The following CDH13 variants were observed in gnomAD, a reference collection of about 807,000 sequenced individuals.
The protein encoded by CDH13 is cadherin 13.
Under a neutral mutation model 63.8 loss-of-function variants are expected in CDH13, and 24 were observed. That is an observed-to-expected ratio of 0.38 (90% confidence interval 0.27 to 0.53). The LOEUF (loss-of-function observed/expected upper bound fraction) is 0.53, where lower values mean the gene tolerates loss of function less well. CDH13 is among the 20% of genes least tolerant of loss of function. CDH13 has a pLI of 0.85. For missense variants in CDH13, 1,049 were observed against 903.1 expected, an observed-to-expected ratio of 1.16 and a Z score of -2.07; for synonymous variants, 503 against 355.3, an observed-to-expected ratio of 1.42 and a Z score of -4.67.
At chr16:83,372,526 G>T (rs1555537290) in intron 6 of CDH13, among the ~76,000 whole-genome samples, 1 of 151,998 alleles carries the variant, frequency 6.6e-6, no homozygotes, top group Non-Finnish European at 1.5e-5. Context: ...AGCTGAGGCA[G>T]GTGGACCACG....
In CDH13 at chr16:83,303,749, T is replaced by A. The variant is rs2089806259; in HGVS notation, c.637-41113T>A. Among the ~76,000 whole-genome samples, 2 of 152,224 alleles carry A rather than the reference T, an allele frequency of 1.3e-5. 1 individual carries two copies. The highest frequency in any genetic ancestry group is 4.2e-4 in the South Asian group (2 of 4,816). ...AGAAACCTTGAGGCTACTGCTTCAG[T>A]TTAGCATATCTCAAAGAGCCATATT... On this transcript the variant is annotated intron_variant, in intron 5 of 13. Coordinates refer to ENST00000567109, the MANE Select transcript of CDH13 (RefSeq NM_001257.5).
intron 8 of CDH13, among the ~76,000 whole-genome samples, chr16:83,608,741 C>A (rs139246037): frequency 1.3e-5 from 2 of 151,390 alleles, no homozygotes; most frequent in African/African-American, 2.4e-5. Flanking sequence ...CTATTGGGCC[C>A]AAGCAATCCA....
intron 4 of CDH13, among the ~76,000 whole-genome samples, chr16:83,143,452 T>A (rs184871513): frequency 4.4e-4 from 67 of 152,312 alleles, no homozygotes; most frequent in African/African-American, 1.6e-3. Context: ...GTTCCCTGTA[T>A]TTAGCTTCAT....
At chr16:83,429,338 G>A (rs1015656227) in intron 6 of CDH13, among the ~76,000 whole-genome samples, 1 of 152,122 alleles carries the variant, frequency 6.6e-6, no homozygotes, top group African/African-American at 2.4e-5. Flanking sequence ...GGGGACTTAT[G>A]CAAACCTCTC....
intron 2 of CDH13, among the ~76,000 whole-genome samples, chr16:83,015,189 A>G (rs1914635158): frequency 6.6e-6 from 1 of 151,980 alleles, no homozygotes; most frequent in Non-Finnish European, 1.5e-5. Flanking sequence ...AGATAGTAAC[A>G]GGCTGCATCT....
At chr16:83,294,833 C>T (rs968527618) in intron 5 of CDH13, among the ~76,000 whole-genome samples, 1 of 152,018 alleles carries the variant, frequency 6.6e-6, no homozygotes, top group Non-Finnish European at 1.5e-5. Context: ...TCAACATAAT[C>T]TATATTAAAA....
At chr16:82,878,678 G>A (rs965790239) in intron 2 of CDH13, among the ~76,000 whole-genome samples, 2 of 151,078 alleles carry the variant, frequency 1.3e-5, no homozygotes, top group African/African-American at 4.9e-5. Context: ...TTGGTCCAAT[G>A]GCGGGGGTTG....
chr16:82,664,484 G>C (rs1912353826), intron 1 of CDH13, among the ~76,000 whole-genome samples: 1 of 152,244 alleles, frequency 6.6e-6, no homozygotes, highest in African/African-American at 2.4e-5. Context: ...GCCCAGCACA[G>C]TCAGAGTCCT....
At chr16:82,672,054 C>G (rs983654051) in intron 1 of CDH13, among the ~76,000 whole-genome samples, 18 of 152,180 alleles carry the variant, frequency 1.2e-4, no homozygotes, top group African/African-American at 4.1e-4. Flanking sequence ...CTTCTACACT[C>G]TCTCTCTTGC....
intron 11 of CDH13, among the ~76,000 whole-genome samples, chr16:83,755,855 A>C (rs1913468307): frequency 6.6e-6 from 1 of 152,232 alleles, no homozygotes; most frequent in African/African-American, 2.4e-5. Context: ...TAGAAACACA[A>C]GAAACATAAA....
chr16:83,414,524 T>G (rs1439276427), intron 6 of CDH13, among the ~76,000 whole-genome samples: 1 of 152,160 alleles, frequency 6.6e-6, no homozygotes, highest in Non-Finnish European at 1.5e-5. Flanking sequence ...TAGAACCCCT[T>G]CATCTTGTTT....
chr16:83,135,932 A>G (rs1388875038), intron 4 of CDH13, among the ~76,000 whole-genome samples: 1 of 152,202 alleles, frequency 6.6e-6, no homozygotes, highest in African/African-American at 2.4e-5. Flanking sequence ...TGGAAAACCA[A>G]ACATCATATG....
intron 2 of CDH13, among the ~76,000 whole-genome samples, chr16:82,970,029 C>T (rs1307861871): frequency 6.6e-6 from 1 of 151,730 alleles, no homozygotes; most frequent in Non-Finnish European, 1.5e-5. Flanking sequence ...TGGTGGTTTG[C>T]TGCATCTGTC....
chr16:82,712,914 C>T lies in CDH13; in HGVS notation c.45+85777C>T, dbSNP rs144343636. 1.5e-4 allele frequency among the ~76,000 whole-genome samples: 23 copies of T among 152,238 alleles called. No individual in the cohort carries two copies. In the East Asian group the frequency reaches 4.5e-3, roughly 29 times the overall value. On this transcript the variant is annotated intron_variant, in intron 1 of 13. Coordinates refer to ENST00000567109, the MANE Select transcript of CDH13 (RefSeq NM_001257.5). ...TCAGCTTCATGTGGATCAGTGATTA[C>T]TTGTCCTATCTCCTCTCCTAGAACG...
chr16:83,296,512 A>G (rs1238472958), intron 5 of CDH13, among the ~76,000 whole-genome samples: 1 of 152,210 alleles, frequency 6.6e-6, no homozygotes, highest in African/African-American at 2.4e-5. Context: ...AGGAAATGGT[A>G]GACCTCTGTA....
rs781473492 is a variant in CDH13, at chr16:82,644,241, T to C, written c.45+17104T>C. ...CAATAGCCTAGTAATGAGAAGTCAA[T>C]CTAAGGTCTAAGGCTGGGAAAGGAG... On this transcript the variant is annotated intron_variant, in intron 1 of 13. Coordinates refer to ENST00000567109, the MANE Select transcript of CDH13 (RefSeq NM_001257.5). The surrounding 1 kb of genome is among the most constrained non-coding windows in gnomAD (Gnocchi z 5.7). Among the ~76,000 whole-genome samples the C allele has an allele frequency of 6.6e-6, 1 of 152,116 alleles. No individual in the cohort carries two copies. Among genetic ancestry groups the C allele is most frequent in the Non-Finnish European group, 1.5e-5 (1 of 68,020 alleles).
intron 6 of CDH13, among the ~76,000 whole-genome samples, chr16:83,395,147 CAAAAA>C (rs56374797): frequency 2.1e-4 from 22 of 106,728 alleles, no homozygotes; most frequent in African/African-American, 7.7e-4. Context: ...GACTCCATCT[CAAAAA>C]AAAAAAAAAA....
At chr16:82,826,895 C>T (rs551544476) in intron 1 of CDH13, among the ~76,000 whole-genome samples, 1 of 152,284 alleles carries the variant, frequency 6.6e-6, no homozygotes, top group Admixed American at 6.5e-5. Flanking sequence ...GCTAGAGAAG[C>T]TGAGAAAGAC....
At chr16:83,171,327 G>C (rs896540313) in intron 4 of CDH13, among the ~76,000 whole-genome samples, 1 of 152,068 alleles carries the variant, frequency 6.6e-6, no homozygotes, top group Non-Finnish European at 1.5e-5. Flanking sequence ...CCAAAGGGAT[G>C]GTCCTAAACC....
Sources: gnomAD v4.1 joint callset for allele counts (sites outside exome capture counted in the v4.1 genomes callset) on GRCh38, gnomAD v4.1.1 for gene constraint, Gnocchi (gnomAD v3.1) non-coding constraint, MANE v1.5 for transcripts, NCBI Gene and HGNC (gene_info 2026-07-23, HGNC 2026-07-21) for gene names.